The following TUSC3 variants were observed in gnomAD, a reference collection of about 807,000 sequenced individuals.
TUSC3 encodes tumor suppressor candidate 3.
Under a neutral mutation model 44.8 loss-of-function variants are expected in TUSC3, and 45 were observed. That is an observed-to-expected ratio of 1.00 (90% CI 0.79 to 1.29). The LOEUF is 1.29. Among genes scored for constraint, TUSC3 ranks in the 50% most tolerant of loss-of-function variants. TUSC3 has a pLI of 0.00. For missense variants in TUSC3, 519 were observed against 437.9 expected (o/e 1.19, Z -1.65); for synonymous variants, 212 against 152.9 (o/e 1.39, Z -2.85).
At chr8:15,671,690 C>T (rs1563164788) in intron 5 of TUSC3, among the ~76,000 whole-genome samples, 1 of 152,006 alleles carries the variant, frequency 6.6e-6, no homozygotes, top group Non-Finnish European at 1.5e-5. Flanking sequence ...ATTGTTGCTG[C>T]TATTGCCTCT....
At chr8:15,614,455 C>T (rs1349451917) in intron 1 of TUSC3, among the ~76,000 whole-genome samples, 2 of 152,164 alleles carry the variant, frequency 1.3e-5, no homozygotes, top group Non-Finnish European at 2.9e-5. Context: ...AATCCCTGTT[C>T]TTACCTTGAG....
At chr8:15,848,055 T>A in the TUSC3 span, among the ~76,000 whole-genome samples, 1 of 152,310 alleles carries the variant, frequency 6.6e-6, no homozygotes, top group African/African-American at 2.4e-5. Context: ...CAGGACTCAC[T>A]ATAGGAGGGT....
chr8:15,729,846 C>A (rs1349439865), intron 6 of TUSC3, among the ~76,000 whole-genome samples: 1 of 151,530 alleles, frequency 6.6e-6, no homozygotes, highest in Non-Finnish European at 1.5e-5. Flanking sequence ...GCACATGTAC[C>A]CCCTGAAAAA....
intron 1 of TUSC3, among the ~76,000 whole-genome samples, chr8:15,462,535 C>T (rs1273954809): frequency 2.6e-5 from 4 of 151,938 alleles, no homozygotes; most frequent in East Asian, 1.9e-4. Flanking sequence ...TATCTCCCTA[C>T]GATATTAAAT....
chr8:15,772,617 G>C, the TUSC3 span, among the ~76,000 whole-genome samples: 1 of 152,160 alleles, frequency 6.6e-6, no homozygotes, highest in Non-Finnish European at 1.5e-5. Context: ...TTCTCAACTA[G>C]TTCAAAACAT....
intron 1 of TUSC3, among the ~76,000 whole-genome samples, chr8:15,460,592 A>G (rs1158853645): frequency 6.6e-6 from 1 of 152,178 alleles, no homozygotes; most frequent in South Asian, 2.1e-4. Flanking sequence ...CTTGGTCATA[A>G]AATCCTTGAC....
intron 2 of TUSC3, among the ~76,000 whole-genome samples, chr8:15,640,661 C>T (rs1326255705): frequency 1.3e-5 from 2 of 151,962 alleles, no homozygotes; most frequent in Admixed American, 6.6e-5. Context: ...GGCTTTTTGT[C>T]GTGGAACTGG....
intron 1 of TUSC3, among the ~76,000 whole-genome samples, chr8:15,599,056 A>G (rs182458263): frequency 5.9e-5 from 9 of 151,958 alleles, no homozygotes; most frequent in Admixed American, 3.9e-4. Context: ...TTGTATTCCT[A>G]CCAGCAATGA....
At chr8:15,605,869 C>T (rs1222363198) in intron 1 of TUSC3, among the ~76,000 whole-genome samples, 1 of 151,948 alleles carries the variant, frequency 6.6e-6, no homozygotes, top group Non-Finnish European at 1.5e-5. Context: ...GTCATAACTT[C>T]GTAGCTGCAT....
chr8:15,470,928 C>T (rs1800483863), intron 1 of TUSC3, among the ~76,000 whole-genome samples: 1 of 151,720 alleles, frequency 6.6e-6, no homozygotes, highest in African/African-American at 2.4e-5. Flanking sequence ...CTGCAGCCAC[C>T]CTCAACCCTG....
the TUSC3 span, among the ~76,000 whole-genome samples, chr8:15,827,337 G>A: frequency 6.6e-6 from 1 of 152,148 alleles, no homozygotes; most frequent in Non-Finnish European, 1.5e-5. Flanking sequence ...CTCAAATTAT[G>A]TTCTACTGAA....
At chr8:15,788,614 C>G in the TUSC3 span, among the ~76,000 whole-genome samples, 1 of 151,334 alleles carries the variant, frequency 6.6e-6, no homozygotes, top group Non-Finnish European at 1.5e-5. Context: ...AAAATCAGAT[C>G]CTCATCCAGA....
At chr8:15,474,012 C>A (rs1306769770) in intron 1 of TUSC3, among the ~76,000 whole-genome samples, 2 of 152,024 alleles carry the variant, frequency 1.3e-5, no homozygotes, top group Admixed American at 6.6e-5. Flanking sequence ...ACCGGCACTC[C>A]CAGAGCAACT....
intron 6 of TUSC3, among the ~76,000 whole-genome samples, chr8:15,716,625 T>C (rs1810071795): frequency 6.6e-6 from 1 of 152,156 alleles, no homozygotes; most frequent in Admixed American, 6.6e-5. Context: ...TGGAGAAATA[T>C]TTTAATTATA....
At chr8:15,842,559 G>T in the TUSC3 span, among the ~76,000 whole-genome samples, 2 of 152,162 alleles carry the variant, frequency 1.3e-5, no homozygotes, top group Admixed American at 6.5e-5. Flanking sequence ...CCTCCATGGA[G>T]CAAAATGATG....
downstream of TUSC3, among the ~76,000 whole-genome samples, chr8:15,768,175 C>G (rs185906066): frequency 1.3e-5 from 2 of 151,244 alleles, no homozygotes; most frequent in South Asian, 2.1e-4. Flanking sequence ...TTTCTTTTGT[C>G]TCCAGGCATT....
chr8:15,428,275 G>A (rs544469024), intron 1 of TUSC3, among the ~76,000 whole-genome samples: 2 of 151,634 alleles, frequency 1.3e-5, no homozygotes, highest in African/African-American at 2.4e-5. Context: ...CAGCTTCATC[G>A]ATGTCCCTAC....
chr8:15,675,912 T>C (rs1808167787), intron 6 of TUSC3, among the ~76,000 whole-genome samples: 1 of 152,196 alleles, frequency 6.6e-6, no homozygotes, highest in African/African-American at 2.4e-5. Context: ...TGTATGTGTC[T>C]TTTTTGTAGA....
the TUSC3 span, among the ~76,000 whole-genome samples, chr8:15,825,575 G>C: frequency 6.6e-6 from 1 of 152,122 alleles, no homozygotes; most frequent in African/African-American, 2.4e-5. Context: ...AACTATATCA[G>C]ACTGGCAACA....
Sources: gnomAD v4.1 joint callset for allele counts (sites outside exome capture counted in the v4.1 genomes callset) on GRCh38, gnomAD v4.1.1 for gene constraint, MANE v1.5 for transcripts, NCBI Gene and HGNC (gene_info 2026-07-23, HGNC 2026-07-21) for gene names.